Variants in ARHGAP44 observed in about 807,000 individuals in gnomAD.
ARHGAP44 encodes rho GTPase-activating protein 44.
In ARHGAP44, 43 loss-of-function variants were observed where a neutral mutation model predicts 106.8. That is an observed-to-expected ratio of 0.40 (90% CI 0.32 to 0.52). The LOEUF is 0.52. Ranked by LOEUF, ARHGAP44 falls within the 20% of genes least tolerant of loss-of-function variation. The pLI, the probability that ARHGAP44 is intolerant of heterozygous loss-of-function variation, is 0.48. For missense variants in ARHGAP44, 866 were observed against 1,050.5 expected (o/e 0.82, Z 2.43); for synonymous variants, 439 against 410.3 (o/e 1.07, Z -0.85).
rs141837587 is a variant in ARHGAP44, at chr17:12,913,861, C to T, written c.276-2039C>T. Among the ~76,000 whole-genome samples, 1,013 of 147,506 alleles carry T rather than the reference C, an allele frequency of 6.9e-3. 16 individuals carry two copies. The highest frequency in any genetic ancestry group is 0.024 in the African/African-American group (975 of 40,426). On this transcript the variant is annotated intron_variant, in intron 4 of 20. Transcript: ENST00000379672. ...GTGCACACCTGTAATCCCAGCCACT[C>T]GGGAGGCTGAAGCAAGAGAATTGCT...
At chr17:12,937,075 G>T (rs551419314) in intron 7 of ARHGAP44, among the ~76,000 whole-genome samples, 1 of 152,206 alleles carries the variant, frequency 6.6e-6, no homozygotes, top group Non-Finnish European at 1.5e-5. Context: ...GTGAGCCTGT[G>T]CCTTAGGGCT....
intron 1 of ARHGAP44, among the ~76,000 whole-genome samples, chr17:12,859,216 A>G (rs1192404509): frequency 2.0e-5 from 3 of 152,204 alleles, no homozygotes; most frequent in Non-Finnish European, 4.4e-5. Context: ...GAGCCAAGGA[A>G]TGCTTGCAGC....
At chr17:12,937,738 A>G (rs1180627075) in intron 7 of ARHGAP44, among the ~76,000 whole-genome samples, 1 of 152,222 alleles carries the variant, frequency 6.6e-6, no homozygotes, top group Non-Finnish European at 1.5e-5. Flanking sequence ...ATTTTCACCA[A>G]GAAAAATTAT....
At chr17:12,956,093 A>G in intron 14 of ARHGAP44, 113 bp downstream of exon 14, 1 of 708,016 alleles carries the variant, frequency 1.4e-6, no homozygotes, top group Non-Finnish European at 2.4e-6. Context: ...TATTTTCCAA[A>G]CCCTATTTCT....
intron 18 of ARHGAP44, 144 bp from the exon 19 acceptor site, chr17:12,979,913 GT>G (rs2039787868): frequency 1.2e-6 from 1 of 851,952 alleles, no homozygotes; most frequent in Non-Finnish European, 1.7e-6. Flanking sequence ...ACCTGCGAAG[GT>G]TTTAGGAAGG....
At position 12,819,971 on chromosome 17, in the gene ARHGAP44, G is replaced by T. The variant is rs146197076; in HGVS notation, c.53+30080G>T. Among the ~76,000 whole-genome samples, 486 of 152,160 alleles carry T rather than the reference G, an allele frequency of 3.2e-3. 2 individuals are homozygous for T. The highest frequency in any genetic ancestry group is 5.3e-3 in the Non-Finnish European group (363 of 67,954). ...TTAATAGTTTTTGTGTCCTATTGAA[G>T]AAATCATTGCCTATGCCATAGAAGG... is the stretch of plus-strand genomic sequence containing the variant. On this transcript the variant is annotated intron_variant, in intron 1 of 20. Transcript: ENST00000379672.
intron 3 of ARHGAP44, among the ~76,000 whole-genome samples, chr17:12,899,032 G>A (rs915087750): frequency 5.3e-5 from 8 of 151,960 alleles, no homozygotes; most frequent in Middle Eastern, 3.2e-3. Flanking sequence ...GTGCAGTGGC[G>A]CAATCTCGGC....
intron 17 of ARHGAP44, 113 bp downstream of exon 17, chr17:12,973,432 C>T (rs977754510): frequency 3.5e-6 from 4 of 1,129,938 alleles, no homozygotes; most frequent in Non-Finnish European, 5.2e-6. Flanking sequence ...GTTGCTTGGC[C>T]GACTTATTTG....
intron 1 of ARHGAP44, among the ~76,000 whole-genome samples, chr17:12,837,665 A>G (rs1018896829): frequency 6.6e-6 from 1 of 151,966 alleles, no homozygotes. Flanking sequence ...AGAACTGGTG[A>G]ATGCGCAAGG....
chr17:12,847,615 G>A (rs1439832137), intron 1 of ARHGAP44, among the ~76,000 whole-genome samples: 1 of 148,256 alleles, frequency 6.7e-6, no homozygotes, highest in Non-Finnish European at 1.5e-5. Context: ...CTGGGTTCAC[G>A]CCATTCTCCT....
chr17:12,925,634 C>A (rs186162888), intron 6 of ARHGAP44, among the ~76,000 whole-genome samples: 2 of 152,294 alleles, frequency 1.3e-5, no homozygotes, highest in African/African-American at 4.8e-5. Context: ...GCTTGTGTCC[C>A]ATCTTCATCT....
intron 20 of ARHGAP44, among the ~76,000 whole-genome samples, chr17:12,989,239 G>C (rs903541870): frequency 6.6e-6 from 1 of 151,822 alleles, no homozygotes; most frequent in African/African-American, 2.4e-5. Flanking sequence ...GCACAGCCTC[G>C]TCAGTGTCCC....
At chr17:12,828,163 C>G (rs1227142629) in intron 1 of ARHGAP44, among the ~76,000 whole-genome samples, 2 of 151,704 alleles carry the variant, frequency 1.3e-5, no homozygotes, top group Non-Finnish European at 2.9e-5. Context: ...AATATTTCAA[C>G]CTAATAGATG....
rs140672528 is a variant in ARHGAP44 at position 12,863,405 on chromosome 17, T to A, written c.54-31535T>A. Among the ~76,000 whole-genome samples, 163 of 152,322 alleles carry A rather than the reference T, an allele frequency of 1.1e-3. 2 individuals carry two copies. The East Asian group carries it at 0.022, about 21-fold the overall frequency. The stretch of plus-strand genomic sequence containing the variant: ...CCTACAATGTGTAAAAAATCTAATG[T>A]CATTCACTGAGATAACTCAAGATAT... On this transcript the variant is annotated intron_variant, in intron 1 of 20. Coordinates refer to ENST00000379672, the MANE Select transcript of ARHGAP44 (RefSeq NM_014859.6).
At chr17:12,851,989 G>A (rs554468229) in intron 1 of ARHGAP44, among the ~76,000 whole-genome samples, 4 of 151,310 alleles carry the variant, frequency 2.6e-5, no homozygotes, top group Non-Finnish European at 4.4e-5. Flanking sequence ...TCTTTATTTC[G>A]CTCTGGTTTG....
intron 1 of ARHGAP44, among the ~76,000 whole-genome samples, chr17:12,814,324 T>C (rs978907889): frequency 7.4e-6 from 1 of 135,606 alleles, no homozygotes; most frequent in African/African-American, 2.8e-5. Context: ...CACTGCACCC[T>C]CCGCCTCCTG....
chr17:12,856,604 T>G (rs903211289), intron 1 of ARHGAP44, among the ~76,000 whole-genome samples: 3 of 152,188 alleles, frequency 2.0e-5, no homozygotes, highest in Non-Finnish European at 4.4e-5. Flanking sequence ...TCTAAACTTT[T>G]GAAAGGCTGT....
intron 1 of ARHGAP44, among the ~76,000 whole-genome samples, chr17:12,815,164 C>T (rs1055087174): frequency 6.6e-6 from 1 of 151,908 alleles, no homozygotes; most frequent in Non-Finnish European, 1.5e-5. Context: ...TCCTGGCTTT[C>T]CTGATTCTCC....
At chr17:12,948,723 TACAC>T (rs71369353) in intron 10 of ARHGAP44, among the ~76,000 whole-genome samples, 1 of 29,294 alleles carries the variant, frequency 3.4e-5, no homozygotes, top group Non-Finnish European at 6.7e-5. Flanking sequence ...CCAACACACA[TACAC>T]ACACACACAC....
Sources: allele counts gnomAD v4.1 joint callset (sites outside exome capture counted in the v4.1 genomes callset), GRCh38; gene constraint gnomAD v4.1.1; transcripts MANE v1.5; gene names NCBI Gene and HGNC (gene_info 2026-07-23, HGNC 2026-07-21).